JAKMIP1: variants seen among roughly 807,000 people sequenced by gnomAD.
JAKMIP1 encodes janus kinase and microtubule-interacting protein 1.
In JAKMIP1, 33 loss-of-function variants were observed where a neutral mutation model predicts 113.0. That is an observed-to-expected ratio of 0.29 (90% CI 0.22 to 0.39). The LOEUF (loss-of-function observed/expected upper bound fraction) is 0.39. Ranked by LOEUF, JAKMIP1 falls within the 10% of genes least tolerant of loss-of-function variation. The pLI is 1.00. For missense variants in JAKMIP1, 813 were observed against 1,080.5 expected (o/e 0.75, Z 3.47); for synonymous variants, 480 against 459.9 (o/e 1.04, Z -0.56).
At chr4:6,085,104 T>C in intron 4 of JAKMIP1, 139 bp from the exon 5 acceptor site, 2 of 1,110,704 alleles carry the variant, frequency 1.8e-6, no homozygotes. Context: ...CACAGCAAGG[T>C]GGGGAACACC....
rs879473934 is a variant in JAKMIP1, at chr4:6,064,003, C to T, written c.1431+877G>A. 2.6e-5 allele frequency among the ~76,000 whole-genome samples: 4 copies of T among 152,230 alleles called. No homozygotes were observed. The highest frequency in any genetic ancestry group is 4.4e-5 in the Non-Finnish European group (3 of 68,032). On this transcript the variant is annotated intron_variant, in intron 9 of 20. Coordinates refer to ENST00000409021, the MANE Select transcript of JAKMIP1 (RefSeq NM_001099433.2). This position sits in a 1 kb window ranked among gnomAD's most constrained non-coding sequence, Gnocchi z 4.3. ...GCACTGCCCTGAGGGCCAGCTGCCC[C>T]GGCATATCCGCACCCCCTTCCCACT...
intron 3 of JAKMIP1, among the ~76,000 whole-genome samples, chr4:6,099,589 C>G (rs1712665850): frequency 6.6e-6 from 1 of 151,754 alleles, no homozygotes; most frequent in African/African-American, 2.4e-5. Flanking sequence ...TTGCTTTAAA[C>G]AGTCACTTGT....
chr4:6,117,021 T>C (rs1315096556), intron 1 of JAKMIP1, among the ~76,000 whole-genome samples: 1 of 152,210 alleles, frequency 6.6e-6, no homozygotes, highest in Non-Finnish European at 1.5e-5. Flanking sequence ...AAGACTTGCA[T>C]GACGGCAACA....
At position 6,097,187 on chromosome 4, in the gene JAKMIP1, A is replaced by G. The variant is rs914707455; in HGVS notation, c.624+8286T>C. Among the ~76,000 whole-genome samples, 1 of 152,194 alleles carries G rather than the reference A, an allele frequency of 6.6e-6. No homozygotes were observed. Among genetic ancestry groups the G allele is most frequent in the East Asian group, 1.9e-4 (1 of 5,178 alleles). On this transcript the variant is annotated intron_variant, in intron 3 of 20. Transcript: ENST00000409021. This position sits in a 1 kb window ranked among gnomAD's most constrained non-coding sequence, Gnocchi z 4.3. ...CGGCTAATTTTTAAATTTTTTGTAGAGGCAAGACCTCACTGCCCAGGATGG... is the reference window on the plus strand; with the variant it reads ...CGGCTAATTTTTAAATTTTTTGTAGGGGCAAGACCTCACTGCCCAGGATGG...
intron 1 of JAKMIP1, among the ~76,000 whole-genome samples, chr4:6,121,262 T>C (rs1716676106): frequency 6.6e-6 from 1 of 151,242 alleles, no homozygotes; most frequent in Non-Finnish European, 1.5e-5. Flanking sequence ...CTCACTGGCA[T>C]GTGCTGCCAG....
At chr4:6,196,637 T>A (rs987244787) in intron 1 of JAKMIP1, among the ~76,000 whole-genome samples, 7 of 152,108 alleles carry the variant, frequency 4.6e-5, no homozygotes, top group Admixed American at 4.6e-4. Flanking sequence ...GCAAATCACC[T>A]GAGGTGAGGT....
rs1270096253 is a variant in JAKMIP1 at position 6,158,298 on chromosome 4, C to G, written c.-148+41955G>C. Reference sequence around the variant, plus strand: ...CTATGAAGCACTTGAAAGCCCAGAACCTAACATCATAGGGATGGTAGTGGG... The same window carrying G: ...CTATGAAGCACTTGAAAGCCCAGAAGCTAACATCATAGGGATGGTAGTGGG... On this transcript the variant is annotated intron_variant, in intron 1 of 20. Coordinates refer to ENST00000409021, the MANE Select transcript of JAKMIP1 (RefSeq NM_001099433.2). This position sits in a 1 kb window ranked among gnomAD's most constrained non-coding sequence, Gnocchi z 5.3. Among the ~76,000 whole-genome samples the G allele has an allele frequency of 1.3e-5, 2 of 152,170 alleles. No individual in the cohort carries two copies.
At chr4:6,060,581 C>A in intron 10 of JAKMIP1, 74 bp from the exon 11 acceptor site, 1 of 1,031,376 alleles carries the variant, frequency 9.7e-7, no homozygotes, top group Non-Finnish European at 1.5e-6. Flanking sequence ...CGTCATGCCC[C>A]AATGCAAGCA....
chr4:6,126,230 G>A (rs530552570), intron 1 of JAKMIP1, among the ~76,000 whole-genome samples: 126 of 62,858 alleles, frequency 2.0e-3, no homozygotes, highest in Middle Eastern at 0.017. Flanking sequence ...ACACACACAC[G>A]CAAACACACA....
At chr4:6,118,782 A>G (rs900424116) in intron 1 of JAKMIP1, among the ~76,000 whole-genome samples, 3 of 152,158 alleles carry the variant, frequency 2.0e-5, no homozygotes, top group African/African-American at 7.2e-5. Context: ...CTTCTGGCCA[A>G]TGAGGGCTGA....
chr4:6,159,412 A>T (rs2108999134), intron 1 of JAKMIP1, among the ~76,000 whole-genome samples: 1 of 152,350 alleles, frequency 6.6e-6, no homozygotes, highest in African/African-American at 2.4e-5. Context: ...TCAAACCACA[A>T]GTTGGAAGAA....
rs10014909 is a variant in JAKMIP1, at chr4:6,048,247, G to C, written c.2028+610C>G. ...TGCAGGTAGGAGGGTATCTGGTGCC[G>C]CTTTTCTGGACACTGTTTTGACAAT... On this transcript the variant is annotated intron_variant, in intron 16 of 20. Coordinates refer to ENST00000409021, the MANE Select transcript of JAKMIP1 (RefSeq NM_001099433.2). 5.9e-5 allele frequency among the ~76,000 whole-genome samples: 9 copies of C among 152,196 alleles called. No homozygotes were observed. The East Asian group carries it at 1.7e-3, about 29-fold the overall frequency.
intron 11 of JAKMIP1, among the ~76,000 whole-genome samples, chr4:6,057,069 C>T (rs1470300195): frequency 6.6e-6 from 1 of 152,184 alleles, no homozygotes; most frequent in African/African-American, 2.4e-5. Context: ...TCCACGCATG[C>T]GGAAGGCTGA....
At position 6,129,470 on chromosome 4, in the gene JAKMIP1, C is replaced by G. The variant is rs1718207372; in HGVS notation, c.-147-16473G>C. ...AGGTTTGAGATCACATTGAAGTCGA[C>G]TGGTTAAACACATCACCCCATTATC... On this transcript the variant is annotated intron_variant, in intron 1 of 20. Transcript: ENST00000409021. The surrounding 1 kb of genome is among the most constrained non-coding windows in gnomAD (Gnocchi z 5.4). 6.6e-6 allele frequency among the ~76,000 whole-genome samples: 1 copy of G among 152,146 alleles called. No homozygotes were observed. Among genetic ancestry groups the G allele is most frequent in the Non-Finnish European group, 1.5e-5 (1 of 68,022 alleles).
At position 6,185,637 on chromosome 4, in the gene JAKMIP1, G is replaced by C. The variant is rs1333821569; in HGVS notation, c.-148+14616C>G. 6.6e-6 allele frequency among the ~76,000 whole-genome samples: 1 copy of C among 152,026 alleles called. No individual in the cohort carries two copies. Among genetic ancestry groups the C allele is most frequent in the East Asian group, 1.9e-4 (1 of 5,174 alleles). On this transcript the variant is annotated intron_variant, in intron 1 of 20. Transcript: ENST00000409021. The surrounding 1 kb of genome is among the most constrained non-coding windows in gnomAD (Gnocchi z 5.3). ...CACTCCAGCCTGAGCGACAGAGGAA[G>C]ACTCCGTCTCAAAAAAACAAAAGCC... is the stretch of plus-strand genomic sequence containing the variant.
intron 9 of JAKMIP1, among the ~76,000 whole-genome samples, 180 bp from the exon 10 acceptor site, chr4:6,062,620 G>A (rs1296372902): frequency 6.6e-6 from 1 of 152,178 alleles, no homozygotes; most frequent in Admixed American, 6.5e-5. Flanking sequence ...AAGGAGCCTC[G>A]CATTGCCAGG....
chr4:6,131,878 A>AG (rs1718558909), intron 1 of JAKMIP1, among the ~76,000 whole-genome samples: 2 of 152,222 alleles, frequency 1.3e-5, no homozygotes, highest in African/African-American at 4.8e-5. Context: ...AAAATGAAGG[A>AG]GAAAGTCTTT....
chr4:6,073,046 C>G (rs1175079413), intron 8 of JAKMIP1, among the ~76,000 whole-genome samples: 1 of 150,342 alleles, frequency 6.7e-6, no homozygotes, highest in Admixed American at 6.7e-5. Flanking sequence ...CCACTACACT[C>G]CAACCTGGGC....
At chr4:6,131,949 T>C (rs1256771145) in intron 1 of JAKMIP1, among the ~76,000 whole-genome samples, 3 of 152,004 alleles carry the variant, frequency 2.0e-5, no homozygotes, top group African/African-American at 7.3e-5. Context: ...AAAAGGAAGA[T>C]TAAAAGCAGC....
Sources: allele counts gnomAD v4.1 joint callset (sites outside exome capture counted in the v4.1 genomes callset), GRCh38; gene constraint gnomAD v4.1.1; non-coding constraint Gnocchi (gnomAD v3.1); transcripts MANE v1.5; gene names NCBI Gene and HGNC (gene_info 2026-07-23, HGNC 2026-07-21).